FSTL5: variants seen among roughly 807,000 people sequenced by gnomAD.
The protein encoded by FSTL5 is follistatin like 5, also known as follistatin-related protein 5.
FSTL5 carries 62 observed loss-of-function variants against 89.1 expected under a neutral mutation model. The ratio of observed to expected loss-of-function variants is 0.70; its 90% CI spans 0.57 to 0.86. FSTL5 has a LOEUF of 0.86. FSTL5 is among the 40% of genes least tolerant of loss of function. FSTL5 has a pLI of 0.00. For missense variants in FSTL5, 1,057 were observed against 1,001.6 expected, an observed-to-expected ratio of 1.06 and a Z score of -0.75; for synonymous variants, 383 against 346.2, an observed-to-expected ratio of 1.11 and a Z score of -1.18.
chr4:161,848,124 C>T (rs1731435171), intron 4 of FSTL5, among the ~76,000 whole-genome samples: 2 of 149,380 alleles, frequency 1.3e-5, no homozygotes, highest in Admixed American at 6.7e-5. Flanking sequence ...AAAAGGTAAT[C>T]GTCTGCAGCA....
intron 1 of FSTL5, among the ~76,000 whole-genome samples, chr4:162,135,367 T>G (rs1431803210): frequency 2.0e-5 from 3 of 152,088 alleles, no homozygotes; most frequent in Non-Finnish European, 2.9e-5. Flanking sequence ...ACCTTCATTG[T>G]AGGCATTTAT....
chr4:161,515,852 C>A (rs1418398903), intron 10 of FSTL5, among the ~76,000 whole-genome samples: 1 of 151,070 alleles, frequency 6.6e-6, no homozygotes, highest in African/African-American at 2.4e-5. Context: ...TGATGACCAT[C>A]CCACTAAGTA....
intron 4 of FSTL5, among the ~76,000 whole-genome samples, chr4:161,824,837 C>G: frequency 6.6e-6 from 1 of 151,918 alleles, no homozygotes; most frequent in Non-Finnish European, 1.5e-5. Context: ...GAGCTTTTTG[C>G]ATGAGTCTTT....
intron 2 of FSTL5, among the ~76,000 whole-genome samples, chr4:162,104,829 T>G (rs1426015234): frequency 2.0e-5 from 3 of 152,166 alleles, no homozygotes; most frequent in Non-Finnish European, 4.4e-5. Flanking sequence ...TCAGAGTCAT[T>G]CACTGAAGTA....
chr4:161,739,792 A>C (rs1579059466), intron 6 of FSTL5, among the ~76,000 whole-genome samples: 1 of 152,230 alleles, frequency 6.6e-6, no homozygotes, highest in African/African-American at 2.4e-5. Flanking sequence ...AGTTTAAAAC[A>C]TGAGTAGCCA....
At chr4:161,621,117 C>T (rs544003919) in intron 7 of FSTL5, among the ~76,000 whole-genome samples, 6 of 152,160 alleles carry the variant, frequency 3.9e-5, no homozygotes, top group Non-Finnish European at 7.4e-5. Flanking sequence ...CAAGATGTAC[C>T]GTATGGAGGC....
At chr4:161,673,091 T>C (rs919812306) in intron 6 of FSTL5, among the ~76,000 whole-genome samples, 1 of 152,040 alleles carries the variant, frequency 6.6e-6, no homozygotes, top group Non-Finnish European at 1.5e-5. Context: ...TGTGAACAAT[T>C]ATACAGTTAA....
intron 7 of FSTL5, among the ~76,000 whole-genome samples, chr4:161,609,742 T>C (rs1045011424): frequency 3.3e-5 from 5 of 152,162 alleles, no homozygotes; most frequent in Non-Finnish European, 7.4e-5. Context: ...TTCATACTTG[T>C]ATCATTCTTT....
chr4:162,153,958 A>C (rs1376073488), intron 1 of FSTL5, among the ~76,000 whole-genome samples: 2 of 151,262 alleles, frequency 1.3e-5, no homozygotes, highest in African/African-American at 2.4e-5. Flanking sequence ...GGTGCCTGCC[A>C]CCATGCCCAG....
At chr4:161,393,302 AT>A (rs1315402095) in intron 15 of FSTL5, among the ~76,000 whole-genome samples, 2 of 152,066 alleles carry the variant, frequency 1.3e-5, no homozygotes, top group Non-Finnish European at 2.9e-5. Flanking sequence ...CATGAGTTGG[AT>A]TCTAGATACC....
intron 3 of FSTL5, among the ~76,000 whole-genome samples, chr4:161,964,324 TAAC>T (rs918548491): frequency 3.3e-5 from 5 of 152,038 alleles, no homozygotes; most frequent in Non-Finnish European, 7.4e-5. Context: ...ATTATTTAAT[TAAC>T]AATCAATTTG....
chr4:161,905,491 C>A (rs138635028), intron 4 of FSTL5, among the ~76,000 whole-genome samples: 17 of 152,070 alleles, frequency 1.1e-4, no homozygotes, highest in African/African-American at 3.6e-4. Context: ...CGATTATGAC[C>A]AGATTTTGTG....
At chr4:162,022,463 C>A (rs142914056) in intron 3 of FSTL5, among the ~76,000 whole-genome samples, 28 of 151,998 alleles carry the variant, frequency 1.8e-4, no homozygotes, top group African/African-American at 6.0e-4. Flanking sequence ...TAATAATGTT[C>A]TACGCTGTCC....
At chr4:162,045,932 T>C (rs1384553924) in intron 2 of FSTL5, among the ~76,000 whole-genome samples, 16 of 150,000 alleles carry the variant, frequency 1.1e-4, no homozygotes, top group South Asian at 2.1e-4. Context: ...ATTTTACGAG[T>C]TTTTTAAGAG....
At chr4:162,021,881 A>G (rs544621716) in intron 3 of FSTL5, among the ~76,000 whole-genome samples, 1 of 152,184 alleles carries the variant, frequency 6.6e-6, no homozygotes, top group East Asian at 1.9e-4. Flanking sequence ...TCACGAGGTC[A>G]TAAGTTCAAG....
chr4:162,147,371 C>A (rs572540031), intron 1 of FSTL5, among the ~76,000 whole-genome samples: 1 of 152,160 alleles, frequency 6.6e-6, no homozygotes, highest in African/African-American at 2.4e-5. Context: ...AAATGTTGAA[C>A]AAGTTCAACA....
intron 4 of FSTL5, among the ~76,000 whole-genome samples, chr4:161,800,909 G>T (rs934632689): frequency 1.3e-5 from 2 of 151,384 alleles, no homozygotes; most frequent in Admixed American, 1.3e-4. Context: ...TATTTTTGTC[G>T]TATTTTAAGT....
chr4:161,669,500 T>C (rs1737022512), intron 6 of FSTL5, among the ~76,000 whole-genome samples: 1 of 151,924 alleles, frequency 6.6e-6, no homozygotes, highest in South Asian at 2.1e-4. Context: ...ATAAATATAG[T>C]GAACTGATCT....
intron 7 of FSTL5, among the ~76,000 whole-genome samples, chr4:161,644,104 A>T (rs1578990905): frequency 7.1e-6 from 1 of 140,638 alleles, no homozygotes; most frequent in African/African-American, 2.7e-5. Context: ...GAGGAACTTT[A>T]AAAAAAAAAA....
Sources: gnomAD v4.1 joint callset for allele counts (sites outside exome capture counted in the v4.1 genomes callset) on GRCh38, gnomAD v4.1.1 for gene constraint, MANE v1.5 for transcripts, NCBI Gene and HGNC (gene_info 2026-07-23, HGNC 2026-07-21) for gene names.